PCDHGA2: variants seen among roughly 807,000 people sequenced by gnomAD.
PCDHGA2 encodes the protein protocadherin gamma-A2.
Under a neutral mutation model 59.2 loss-of-function variants are expected in PCDHGA2, and 40 were observed. That is an observed-to-expected ratio of 0.68 (90% CI 0.52 to 0.88). PCDHGA2 has a LOEUF of 0.88. Ranked by LOEUF, PCDHGA2 falls within the 40% of genes least tolerant of loss-of-function variation. The pLI, the probability that PCDHGA2 is intolerant of heterozygous loss-of-function variation, is 0.00. For missense variants in PCDHGA2, 1,226 were observed against 1,204.0 expected, an observed-to-expected ratio of 1.02 and a Z score of -0.27; for synonymous variants, 560 against 526.0, an observed-to-expected ratio of 1.06 and a Z score of -0.89.
chr5:141,369,714 T>G (rs565396016), intron 1 of PCDHGA2, among the ~76,000 whole-genome samples: 2 of 152,150 alleles, frequency 1.3e-5, no homozygotes, highest in Non-Finnish European at 2.9e-5. Flanking sequence ...CATTATAACT[T>G]TTAGAAGTTA....
At chr5:141,349,450 G>T (rs967201965) in intron 1 of PCDHGA2, among the ~76,000 whole-genome samples, 8 of 152,084 alleles carry the variant, frequency 5.3e-5, no homozygotes, top group African/African-American at 1.7e-4. Flanking sequence ...CTTCATAAAA[G>T]CATGTATGTG....
In PCDHGA2 at chr5:141,388,268, C is replaced by A; in HGVS notation, c.2424+46873C>A. On this transcript the variant is annotated intron_variant, in intron 1 of 3. Coordinates refer to ENST00000394576, the MANE Select transcript of PCDHGA2 (RefSeq NM_018915.4). ...ATGTGGAGATCGAGGACATTAATGA[C>A]CACACGCCAAAATTCACGCAAAATT... The A allele has an allele frequency of 1.3e-6, 2 of 1,594,084 alleles. No homozygotes were observed. Among genetic ancestry groups the A allele is most frequent in the African/African-American group, 2.9e-5 (2 of 68,850 alleles).
At chr5:141,427,650 G>C (rs1352503291) in intron 1 of PCDHGA2, 1 of 718,312 alleles carries the variant, frequency 1.4e-6, no homozygotes. Flanking sequence ...AGTCTCCTAC[G>C]TGGTCCACGT....
intron 1 of PCDHGA2, among the ~76,000 whole-genome samples, chr5:141,456,379 C>A (rs181915740): frequency 1.3e-5 from 2 of 152,162 alleles, no homozygotes; most frequent in East Asian, 3.9e-4. Context: ...GTTTACAGCA[C>A]CGTTTGGAGT....
intron 1 of PCDHGA2, chr5:141,346,150 C>A: frequency 6.2e-7 from 1 of 1,613,998 alleles, no homozygotes; most frequent in Non-Finnish European, 8.5e-7. Flanking sequence ...GTCTTCCTGG[C>A]CTTCGTCATC....
chr5:141,373,239 T>C (rs1466756322), intron 1 of PCDHGA2, among the ~76,000 whole-genome samples: 1 of 152,238 alleles, frequency 6.6e-6, no homozygotes, highest in Non-Finnish European at 1.5e-5. Flanking sequence ...ATATTTTTAC[T>C]TCCCTTTGCA....
intron 1 of PCDHGA2, among the ~76,000 whole-genome samples, chr5:141,359,737 A>G (rs1761307035): frequency 6.6e-6 from 1 of 152,224 alleles, no homozygotes; most frequent in African/African-American, 2.4e-5. Flanking sequence ...CCCCTGTGAA[A>G]GCATTTCTCC....
At chr5:141,405,448 CT>C in intron 1 of PCDHGA2, 1 of 1,314,740 alleles carries the variant, frequency 7.6e-7, no homozygotes, top group Non-Finnish European at 1.1e-6. Flanking sequence ...GAGACAGAGT[CT>C]TACTCTGTTA....
chr5:141,358,274 A>T (rs1760873483), intron 1 of PCDHGA2, among the ~76,000 whole-genome samples: 1 of 152,222 alleles, frequency 6.6e-6, no homozygotes, highest in Non-Finnish European at 1.5e-5. Flanking sequence ...GAGACCTGTA[A>T]AATAGAAGGC....
chr5:141,494,891 C>G, intron 2 of PCDHGA2, 26 bp downstream of exon 2: 1 of 1,614,098 alleles, frequency 6.2e-7, no homozygotes. Flanking sequence ...TCCAGCCCAC[C>G]CTCTTCTCTG....
At chr5:141,404,296 T>C in intron 1 of PCDHGA2, 1 of 1,613,946 alleles carries the variant, frequency 6.2e-7, no homozygotes, top group Non-Finnish European at 8.5e-7. Flanking sequence ...TCAATGATAA[T>C]CCACCTGCTT....
intron 1 of PCDHGA2, among the ~76,000 whole-genome samples, chr5:141,363,990 A>T (rs1763134181): frequency 6.6e-6 from 1 of 152,268 alleles, no homozygotes; most frequent in South Asian, 2.1e-4. Flanking sequence ...TTAAAGCTGA[A>T]TTAACGGTCA....
chr5:141,431,736 G>T lies in PCDHGA2; in HGVS notation c.2425-63071G>T. On this transcript the variant is annotated intron_variant, in intron 1 of 3. Transcript: ENST00000394576. The surrounding 1 kb of genome is among the most constrained non-coding windows in gnomAD (Gnocchi z 4.8). ...GAAGTGCAAGCAATGGATAATGCAG[G>T]ATATTCTGCGCGAGCCAAAGTCCTG... 1 of 1,614,218 alleles carries T rather than the reference G, an allele frequency of 6.2e-7. No individual in the cohort carries two copies. The highest frequency in any genetic ancestry group is 8.5e-7 in the Non-Finnish European group (1 of 1,180,046).
In PCDHGA2 at chr5:141,491,406, C is replaced by G. The variant is rs773729429; in HGVS notation, c.2425-3401C>G. On this transcript the variant is annotated intron_variant, in intron 1 of 3. Transcript: ENST00000394576. This position sits in a 1 kb window ranked among gnomAD's most constrained non-coding sequence, Gnocchi z 6.9. ...CGAAGTGCCTTCAGGGAAACGCAGA[C>G]GGGGACGGGGGTGGAGGGCAGTGCT... 9 of 1,613,978 alleles carry G rather than the reference C, an allele frequency of 5.6e-6. No homozygotes were observed.
intron 1 of PCDHGA2, chr5:141,352,633 T>C (rs1464392466): frequency 6.2e-7 from 1 of 1,610,604 alleles, no homozygotes; most frequent in Admixed American, 1.7e-5. Context: ...GTAATGAAGA[T>C]CACAAAATCG....
At chr5:141,395,067 A>G (rs1200049263) in intron 1 of PCDHGA2, 4 of 1,613,888 alleles carry the variant, frequency 2.5e-6, no homozygotes, top group South Asian at 1.1e-5. Context: ...TTTCCTGCAG[A>G]CCTATTCCCA....
chr5:141,381,133 C>A (rs1285338974), intron 1 of PCDHGA2, among the ~76,000 whole-genome samples: 2 of 152,202 alleles, frequency 1.3e-5, no homozygotes, highest in East Asian at 1.9e-4. Context: ...TGGAGCAATG[C>A]CACCAGAAAG....
At chr5:141,404,266 C>T in intron 1 of PCDHGA2, 1 of 1,613,980 alleles carries the variant, frequency 6.2e-7, no homozygotes. Flanking sequence ...AAATTCACAT[C>T]ACCCTGCAAG....
intron 1 of PCDHGA2, chr5:141,390,762 C>T (rs2092226751): frequency 6.0e-6 from 1 of 166,616 alleles, no homozygotes; most frequent in African/African-American, 2.4e-5. Context: ...GTTTTGTTTC[C>T]TGTGTTAACT....
Sources: gnomAD v4.1 joint callset for allele counts (sites outside exome capture counted in the v4.1 genomes callset) on GRCh38, gnomAD v4.1.1 for gene constraint, Gnocchi (gnomAD v3.1) non-coding constraint, MANE v1.5 for transcripts, NCBI Gene and HGNC (gene_info 2026-07-23, HGNC 2026-07-21) for gene names.